GPC5: variants seen among roughly 807,000 people sequenced by gnomAD.
The protein encoded by GPC5 is glypican 5.
GPC5 carries 47 observed loss-of-function variants against 53.9 expected under a neutral mutation model. The observed-to-expected ratio is 0.87, with a 90% CI of 0.69 to 1.11. The LOEUF (loss-of-function observed/expected upper bound fraction) is 1.11, where lower values mean the gene tolerates loss of function less well. GPC5 is among the 50% of genes most tolerant of loss of function. GPC5 has a pLI of 0.00. For missense variants in GPC5, 748 were observed against 713.1 expected, an observed-to-expected ratio of 1.05 and a Z score of -0.56; for synonymous variants, 286 against 263.3, an observed-to-expected ratio of 1.09 and a Z score of -0.84.
chr13:91,794,925 G>C (rs1305317975), intron 5 of GPC5, among the ~76,000 whole-genome samples: 1 of 152,114 alleles, frequency 6.6e-6, no homozygotes, highest in Non-Finnish European at 1.5e-5. Flanking sequence ...ACTGAATACA[G>C]AGTAAATTAA....
At chr13:92,502,621 G>T (rs893743041) in intron 7 of GPC5, among the ~76,000 whole-genome samples, 7 of 152,030 alleles carry the variant, frequency 4.6e-5, no homozygotes, top group Admixed American at 4.6e-4. Flanking sequence ...GACCAGAGAC[G>T]AAGAGGGACA....
At chr13:91,589,343 TTCTC>T (rs200479289) in intron 2 of GPC5, among the ~76,000 whole-genome samples, 1 of 151,706 alleles carries the variant, frequency 6.6e-6, no homozygotes, top group Non-Finnish European at 1.5e-5. Context: ...TTTTCTGACT[TTCTC>T]TCTCTCTCTC....
chr13:92,789,198 A>G (rs2138772151), intron 7 of GPC5, among the ~76,000 whole-genome samples: 1 of 152,240 alleles, frequency 6.6e-6, no homozygotes, highest in African/African-American at 2.4e-5. Context: ...GAGGTGTGGC[A>G]GCTGGAGGCT....
At chr13:91,410,645 C>A (rs997088085) in intron 1 of GPC5, among the ~76,000 whole-genome samples, 4 of 152,062 alleles carry the variant, frequency 2.6e-5, no homozygotes, top group Admixed American at 2.6e-4. Context: ...TACGCCCGGC[C>A]TTCCTTCATC....
chr13:91,726,660 C>T (rs972035110), intron 3 of GPC5, among the ~76,000 whole-genome samples: 14 of 152,284 alleles, frequency 9.2e-5, no homozygotes, highest in Middle Eastern at 3.4e-3. Flanking sequence ...GTTCTTTGTT[C>T]TGAGAAAACT....
intron 6 of GPC5, among the ~76,000 whole-genome samples, chr13:92,092,187 C>T (rs1477017195): frequency 1.3e-5 from 2 of 152,200 alleles, no homozygotes; most frequent in Non-Finnish European, 2.9e-5. Context: ...ATGAAGCTCT[C>T]TGCATACCTC....
rs746401040 is a variant in GPC5 at position 92,418,391 on chromosome 13, C to T, written c.1561+273402C>T. On this transcript the variant is annotated intron_variant, in intron 7 of 7. Transcript: ENST00000377067. ...CTGATAGCACAGAGTTGGGAGATCA[C>T]GTTATTGAGGTTTAATAAGATTTGG... 5.9e-5 allele frequency among the ~76,000 whole-genome samples: 9 copies of T among 151,796 alleles called. No homozygotes were observed. In the East Asian group the frequency reaches 7.7e-4, roughly 13 times the overall value.
intron 6 of GPC5, among the ~76,000 whole-genome samples, chr13:92,084,340 G>A (rs986929772): frequency 7.2e-5 from 11 of 152,138 alleles, no homozygotes; most frequent in African/African-American, 2.7e-4. Flanking sequence ...TATATCACGT[G>A]GGTCACATCT....
At chr13:92,426,352 CA>C (rs1454576504) in intron 7 of GPC5, among the ~76,000 whole-genome samples, 1 of 151,990 alleles carries the variant, frequency 6.6e-6, no homozygotes, top group Non-Finnish European at 1.5e-5. Flanking sequence ...GCAGATCCTA[CA>C]AAAAAGATTG....
chr13:92,461,336 A>G (rs897666738), intron 7 of GPC5, among the ~76,000 whole-genome samples: 33 of 152,334 alleles, frequency 2.2e-4, no homozygotes, highest in African/African-American at 7.7e-4. Flanking sequence ...AATGGACAGA[A>G]GTTCCTGCTC....
intron 7 of GPC5, among the ~76,000 whole-genome samples, chr13:92,713,946 A>T (rs1323451092): frequency 6.6e-6 from 1 of 152,182 alleles, no homozygotes; most frequent in Non-Finnish European, 1.5e-5. Flanking sequence ...TAGTTCACCA[A>T]GCAATTCCAG....
chr13:92,004,019 A>G (rs1216041107), intron 6 of GPC5, among the ~76,000 whole-genome samples: 1 of 152,198 alleles, frequency 6.6e-6, no homozygotes, highest in Non-Finnish European at 1.5e-5. Context: ...CATCACTAGA[A>G]TTTTGAACAA....
At chr13:92,814,792 A>G (rs562431112) in intron 7 of GPC5, among the ~76,000 whole-genome samples, 3 of 152,042 alleles carry the variant, frequency 2.0e-5, no homozygotes, top group Non-Finnish European at 4.4e-5. Flanking sequence ...TGGCATACAT[A>G]TAAAAAGAAT....
At chr13:92,283,109 A>G (rs2042928706) in intron 7 of GPC5, among the ~76,000 whole-genome samples, 1 of 152,230 alleles carries the variant, frequency 6.6e-6, no homozygotes, top group South Asian at 2.1e-4. Context: ...CTGATAAAAC[A>G]GACTTTAAAC....
In GPC5 at chr13:91,750,674, C is replaced by CTTTTTT. The variant is rs752907631; in HGVS notation, c.1155-5603_1155-5598dup. Among the ~76,000 whole-genome samples, 41 of 82,010 alleles carry CTTTTTT rather than the reference C, an allele frequency of 5.0e-4. 2 individuals carry two copies. The highest frequency in any genetic ancestry group is 1.9e-3 in the East Asian group (5 of 2,642). The allele number at this position is 82,010 out of a possible 152,430, so 53.8% of individuals were successfully genotyped here. The stretch of plus-strand genomic sequence containing the variant: ...TTTGCTCTGTGGTAGTAGGTAAGTC[C>CTTTTTT]TTTTTTTTTTTTTTTTTTTTTTTGA... On this transcript the variant is annotated intron_variant, in intron 4 of 7. Coordinates refer to ENST00000377067, the MANE Select transcript of GPC5 (RefSeq NM_004466.6).
At chr13:92,767,138 T>C (rs2138744476) in intron 7 of GPC5, among the ~76,000 whole-genome samples, 1 of 151,862 alleles carries the variant, frequency 6.6e-6, no homozygotes, top group East Asian at 2.0e-4. Context: ...ATTGTTTTTG[T>C]TTGTTTGTTT....
chr13:91,988,473 C>T (rs997838922), intron 6 of GPC5, among the ~76,000 whole-genome samples: 7 of 152,156 alleles, frequency 4.6e-5, no homozygotes, highest in African/African-American at 1.7e-4. Context: ...CTATTAACTA[C>T]ACAGGATTCT....
chr13:92,784,824 G>A (rs1876157746), intron 7 of GPC5, among the ~76,000 whole-genome samples: 1 of 152,304 alleles, frequency 6.6e-6, no homozygotes, highest in African/African-American at 2.4e-5. Flanking sequence ...GTTACCAGGA[G>A]CTGATATTCT....
chr13:92,775,512 T>G (rs931279500), intron 7 of GPC5, among the ~76,000 whole-genome samples: 1 of 152,160 alleles, frequency 6.6e-6, no homozygotes, highest in African/African-American at 2.4e-5. Flanking sequence ...AATTTATGCT[T>G]TTTTTAAAGG....
Sources: allele counts gnomAD v4.1 joint callset (sites outside exome capture counted in the v4.1 genomes callset), GRCh38; gene constraint gnomAD v4.1.1; transcripts MANE v1.5; gene names NCBI Gene and HGNC (gene_info 2026-07-23, HGNC 2026-07-21).